Variants in TOGARAM2 observed in about 807,000 individuals in gnomAD.
The protein encoded by TOGARAM2 is TOG array regulator of axonemal microtubules 2.
TOGARAM2 carries 85 observed loss-of-function variants against 93.3 expected under a neutral mutation model. The ratio of observed to expected loss-of-function variants is 0.91; its 90% CI spans 0.76 to 1.09. The LOEUF is 1.09. TOGARAM2 is among the 50% of genes least tolerant of loss of function. The pLI is 0.00. For synonymous variants in TOGARAM2, 593 were observed against 552.8 expected (o/e 1.07, Z -1.02); for missense variants, 1,277 against 1,334.5 (o/e 0.96, Z 0.67).
chr2:29,012,861 C>G (rs534815491), intron 7 of TOGARAM2, among the ~76,000 whole-genome samples: 16 of 152,194 alleles, frequency 1.1e-4, no homozygotes, highest in Non-Finnish European at 1.8e-4. Context: ...TGGTGCCTAC[C>G]ACATGTGCCC....
intron 1 of TOGARAM2, among the ~76,000 whole-genome samples, chr2:28,985,932 C>T (rs183704183): frequency 1.1e-4 from 16 of 151,976 alleles, no homozygotes; most frequent in Admixed American, 4.6e-4. Flanking sequence ...GGCAAAACCC[C>T]GTCACTACTA....
At chr2:29,024,066 G>T (rs1665157476) in intron 12 of TOGARAM2, 73 bp from the exon 13 acceptor site, 3 of 1,292,078 alleles carry the variant, frequency 2.3e-6, no homozygotes, top group African/African-American at 2.9e-5. Context: ...GGTGGTGCAG[G>T]GCCCATTTTC....
In TOGARAM2 at chr2:29,032,973, C is replaced by T. The variant is rs1479411648; in HGVS notation, c.2052C>T (p.Asn684=). Residue 684 remains asparagine (N), a synonymous_variant, in exon 15 of 20, where the codon AAC becomes AAT. Transcript: ENST00000379558. The part of the protein sequence containing the change: ...GRKMVNILMA[N]TKFDAFLKQS... ...AGATGGTGAATATCTTGATGGCGAA[C>T]ACTAAGTTTGATGCATTTCTGAAGC... is the stretch of plus-strand genomic sequence containing the variant. 44 of 1,613,766 alleles carry T rather than the reference C, an allele frequency of 2.7e-5. No homozygotes were observed. The highest frequency in any genetic ancestry group is 3.1e-5 in the Non-Finnish European group (37 of 1,179,882).
chr2:28,975,432 C>CAT (rs1672013820), intron 1 of TOGARAM2, among the ~76,000 whole-genome samples: 1 of 152,018 alleles, frequency 6.6e-6, no homozygotes, highest in African/African-American at 2.4e-5. Flanking sequence ...TCGTGATCTG[C>CAT]CCGCCTCGGC....
chr2:28,979,033 C>T (rs558239408), upstream of TOGARAM2, among the ~76,000 whole-genome samples: 6 of 152,298 alleles, frequency 3.9e-5, no homozygotes, highest in Non-Finnish European at 5.9e-5. Context: ...TGACTGAGGG[C>T]TGGATTCGTG....
At chr2:28,961,664 A>G (rs1671806465) in intron 1 of TOGARAM2, among the ~76,000 whole-genome samples, 1 of 152,188 alleles carries the variant, frequency 6.6e-6, no homozygotes, top group Admixed American at 6.5e-5. Flanking sequence ...ATAATCAATA[A>G]CAATATTTTA....
At chr2:29,019,567 A>G (rs1268345922) in intron 10 of TOGARAM2, among the ~76,000 whole-genome samples, 1 of 152,210 alleles carries the variant, frequency 6.6e-6, no homozygotes, top group African/African-American at 2.4e-5. Flanking sequence ...CACCATCTAA[A>G]GATCACTAGA....
chr2:28,963,403 T>G (rs1365261980), intron 1 of TOGARAM2, among the ~76,000 whole-genome samples: 1 of 152,224 alleles, frequency 6.6e-6, no homozygotes, highest in Non-Finnish European at 1.5e-5. Flanking sequence ...AGATGAGGTC[T>G]TGCTCTGTCA....
chr2:29,035,342 A>G (rs901615614), intron 16 of TOGARAM2, 122 bp from the exon 17 acceptor site: 1 of 893,026 alleles, frequency 1.1e-6, no homozygotes. Flanking sequence ...GGGGTGGACT[A>G]ACCTGCAGGT....
chr2:29,011,586 A>C (rs1664250577), intron 7 of TOGARAM2, 85 bp downstream of exon 7: 3 of 1,302,510 alleles, frequency 2.3e-6, no homozygotes, highest in Non-Finnish European at 3.2e-6. Flanking sequence ...TTAGGGCCAG[A>C]GGAGATCTGA....
At chr2:29,021,011 TC>T (rs968741963) in intron 10 of TOGARAM2, among the ~76,000 whole-genome samples, 24 of 152,104 alleles carry the variant, frequency 1.6e-4, no homozygotes, top group African/African-American at 4.8e-4. Context: ...CTTCCCGAGT[TC>T]AAGCGATTCT....
chr2:28,974,350 A>T (rs1671996509), intron 1 of TOGARAM2, among the ~76,000 whole-genome samples: 1 of 151,212 alleles, frequency 6.6e-6, no homozygotes, highest in South Asian at 2.1e-4. Flanking sequence ...CTGGTCTTGA[A>T]CCCCTGACCT....
chr2:28,983,004 T>G (rs2148237631), intron 1 of TOGARAM2, among the ~76,000 whole-genome samples: 1 of 151,698 alleles, frequency 6.6e-6, no homozygotes, highest in South Asian at 2.1e-4. Context: ...GCTTCATTTT[T>G]TGAGACAAGG....
chr2:28,987,332 T>C (rs774458660), intron 1 of TOGARAM2, among the ~76,000 whole-genome samples: 4 of 152,264 alleles, frequency 2.6e-5, no homozygotes, highest in Non-Finnish European at 4.4e-5. Flanking sequence ...CTTTGTCACC[T>C]AGGCTGGAGT....
rs747497290 is a variant in TOGARAM2, at chr2:29,003,675, C to T, written c.823C>T (p.Arg275Cys). The T allele has an allele frequency of 1.6e-5, 25 of 1,538,154 alleles. No individual in the cohort carries two copies. The highest frequency in any genetic ancestry group is 6.3e-5 in the Admixed American group (3 of 47,522). The change falls in exon 6 of 20, where the codon CGC (arginine) becomes TGC (cysteine). Residue 275 changes from arginine (R) to cysteine (C), a missense_variant. Coordinates refer to ENST00000379558, the MANE Select transcript of TOGARAM2 (RefSeq NM_199280.4). The stretch of plus-strand genomic sequence containing the variant: ...AGTCCTCACAGGCCTGAGGGCCCCA[C>T]GCACGCGGTAAGAGCTCCAAGTCAA... ...QGVLTGLRAP[R>C]TRLARGSGPR... is the part of the protein sequence containing the mutation.
At chr2:29,034,907 T>G (rs1308708219) in intron 16 of TOGARAM2, among the ~76,000 whole-genome samples, 1 of 152,146 alleles carries the variant, frequency 6.6e-6, no homozygotes, top group African/African-American at 2.4e-5. Context: ...ATTCCAGCAC[T>G]TTGGGAGGCC....
In TOGARAM2 at chr2:28,999,173, C is replaced by A; in HGVS notation, c.140-8C>A. ...GTGCCAAGCCATTCACACCTCTGTCCCCCTCAGGTTCTCTCCAGCCTGAGC... is the reference window on the plus strand; with the variant it reads ...GTGCCAAGCCATTCACACCTCTGTCACCCTCAGGTTCTCTCCAGCCTGAGC... On this transcript the variant is annotated splice_polypyrimidine_tract_variant and splice_region_variant and intron_variant, in intron 3 of 19. Transcript: ENST00000379558. 5 of 1,605,896 alleles carry A rather than the reference C, an allele frequency of 3.1e-6. No homozygotes were observed. The highest frequency in any genetic ancestry group is 4.3e-6 in the Non-Finnish European group (5 of 1,175,376).
intron 8 of TOGARAM2, among the ~76,000 whole-genome samples, chr2:29,015,538 G>A (rs527421685): frequency 3.3e-5 from 5 of 152,246 alleles, no homozygotes; most frequent in South Asian, 2.1e-4. Flanking sequence ...TTAAGAAAGC[G>A]GAACAAAACC....
chr2:29,021,160 T>C (rs113342270), intron 10 of TOGARAM2, among the ~76,000 whole-genome samples: 8,518 of 152,284 alleles, frequency 0.056, 776 homozygotes, highest in African/African-American at 0.19. Flanking sequence ...GTGATCTGCC[T>C]GCCTTGGCCT....
Sources: allele counts gnomAD v4.1 joint callset (sites outside exome capture counted in the v4.1 genomes callset), GRCh38; gene constraint gnomAD v4.1.1; transcripts MANE v1.5; gene names NCBI Gene and HGNC (gene_info 2026-07-23, HGNC 2026-07-21).